CSMD1: variants seen among roughly 807,000 people sequenced by gnomAD.
The protein encoded by CSMD1 is CUB and Sushi multiple domains 1.
CSMD1 carries 213 observed loss-of-function variants against 417.5 expected under a neutral mutation model. That is an observed-to-expected ratio of 0.51 (90% confidence interval 0.46 to 0.57). CSMD1 has a LOEUF of 0.57. CSMD1 is among the 20% of genes least tolerant of loss of function. CSMD1 has a pLI of 0.00. For missense variants in CSMD1, 6,923 were observed against 4,529.7 expected (o/e 1.53, Z -15.17); for synonymous variants, 2,862 against 1,736.8 (o/e 1.65, Z -16.11).
At chr8:4,565,674 G>C (rs1223472381) in intron 2 of CSMD1, among the ~76,000 whole-genome samples, 3 of 150,208 alleles carry the variant, frequency 2.0e-5, no homozygotes, top group Non-Finnish European at 4.4e-5. Flanking sequence ...GGCAGAGGTT[G>C]CAGTGAGCTG....
chr8:3,494,196 A>C (rs894286631), intron 10 of CSMD1, among the ~76,000 whole-genome samples: 28 of 152,192 alleles, frequency 1.8e-4, no homozygotes, highest in African/African-American at 6.8e-4. Flanking sequence ...TGAGGATACA[A>C]AGCTCTCCTC....
intron 12 of CSMD1, among the ~76,000 whole-genome samples, chr8:3,440,937 C>A (rs949710375): frequency 9.9e-5 from 15 of 152,182 alleles, no homozygotes; most frequent in African/African-American, 3.6e-4. Context: ...GACGTGGTGA[C>A]TGTGATTTTA....
At chr8:4,173,036 A>T (rs974465667) in intron 3 of CSMD1, among the ~76,000 whole-genome samples, 1 of 152,156 alleles carries the variant, frequency 6.6e-6, no homozygotes, top group East Asian at 1.9e-4. Context: ...AGCCCCTAAT[A>T]TTGCAAGAAA....
At chr8:3,615,314 G>A (rs1802081088) in intron 8 of CSMD1, among the ~76,000 whole-genome samples, 1 of 152,152 alleles carries the variant, frequency 6.6e-6, no homozygotes, top group African/African-American at 2.4e-5. Flanking sequence ...GAAACAGACT[G>A]AAGTGAGTCT....
At chr8:4,150,903 T>C (rs1316975770) in intron 3 of CSMD1, among the ~76,000 whole-genome samples, 2 of 48,042 alleles carry the variant, frequency 4.2e-5, no homozygotes, top group African/African-American at 1.5e-4. Flanking sequence ...GAAAGAGCAA[T>C]GTTTTGTTCC....
intron 3 of CSMD1, among the ~76,000 whole-genome samples, chr8:4,402,881 G>A (rs1315727954): frequency 2.2e-5 from 3 of 138,490 alleles, no homozygotes; most frequent in Non-Finnish European, 3.0e-5. Context: ...GTGCAGCGGC[G>A]CAATCTGGGC....
chr8:4,565,613 T>TA (rs904258438), intron 2 of CSMD1, among the ~76,000 whole-genome samples: 1 of 151,686 alleles, frequency 6.6e-6, no homozygotes, highest in African/African-American at 2.4e-5. Flanking sequence ...CAGGCACCTG[T>TA]AGTCCCAGCT....
chr8:4,057,933 G>A (rs1414736441), intron 3 of CSMD1, among the ~76,000 whole-genome samples: 2 of 150,980 alleles, frequency 1.3e-5, no homozygotes, highest in African/African-American at 2.4e-5. Context: ...TTTGGTTCCT[G>A]TAGCCTTGTA....
chr8:3,317,052 T>C (rs1367899175), intron 23 of CSMD1, among the ~76,000 whole-genome samples: 1 of 151,142 alleles, frequency 6.6e-6, no homozygotes, highest in Non-Finnish European at 1.5e-5. Flanking sequence ...TGAGTGAGAG[T>C]GGACACAGAA....
chr8:3,461,148 G>A (rs993680653), intron 12 of CSMD1, among the ~76,000 whole-genome samples: 2 of 152,316 alleles, frequency 1.3e-5, no homozygotes, highest in Admixed American at 6.5e-5. Context: ...AACTGAGGCT[G>A]CTAGAGAGGG....
intron 3 of CSMD1, among the ~76,000 whole-genome samples, chr8:4,245,102 C>G (rs1802626435): frequency 6.6e-6 from 1 of 152,146 alleles, no homozygotes; most frequent in Non-Finnish European, 1.5e-5. Context: ...TAACGACCCT[C>G]AAGATTTTCA....
chr8:4,906,853 C>T lies in CSMD1; in HGVS notation c.85+87479G>A, dbSNP rs546779456. On this transcript the variant is annotated intron_variant, in intron 1 of 69. Coordinates refer to ENST00000635120, the MANE Select transcript of CSMD1 (RefSeq NM_033225.6). ...GATTACAGGCGTGAGCCGCTGCCCC[C>T]GGCCTTGAGTTTCTTTTTTCAAAGT... Among the ~76,000 whole-genome samples the T allele has an allele frequency of 1.2e-4, 18 of 152,222 alleles. No homozygotes were observed. In the East Asian group the frequency reaches 1.4e-3, roughly 11 times the overall value.
At chr8:4,643,664 G>C (rs1172819421) in intron 1 of CSMD1, among the ~76,000 whole-genome samples, 1 of 152,208 alleles carries the variant, frequency 6.6e-6, no homozygotes, top group Admixed American at 6.5e-5. Flanking sequence ...TTCAATGAAG[G>C]AAGTGGAAGT....
chr8:3,098,827 C>A (rs984442618), intron 46 of CSMD1, among the ~76,000 whole-genome samples: 2 of 151,996 alleles, frequency 1.3e-5, no homozygotes, highest in African/African-American at 4.8e-5. Context: ...TTGGCTCTGA[C>A]GTGTAAGTAC....
chr8:3,578,829 C>T (rs576766194), intron 9 of CSMD1, among the ~76,000 whole-genome samples: 5 of 152,280 alleles, frequency 3.3e-5, no homozygotes, highest in African/African-American at 4.8e-5. Context: ...AATTAGTCAA[C>T]GAAGTATGTG....
intron 5 of CSMD1, among the ~76,000 whole-genome samples, chr8:3,895,596 T>C (rs1019352595): frequency 1.3e-5 from 2 of 152,230 alleles, no homozygotes; most frequent in Non-Finnish European, 1.5e-5. Flanking sequence ...CTAATGCCCA[T>C]ATATGTACCA....
At chr8:4,004,063 A>G (rs1365159340) in intron 4 of CSMD1, among the ~76,000 whole-genome samples, 1 of 152,200 alleles carries the variant, frequency 6.6e-6, no homozygotes, top group East Asian at 1.9e-4. Flanking sequence ...AAAAGGGTAT[A>G]ATGTCTGATC....
At chr8:3,919,184 C>CAAA (rs71203490) in intron 5 of CSMD1, among the ~76,000 whole-genome samples, 2 of 91,800 alleles carry the variant, frequency 2.2e-5, no homozygotes, top group Non-Finnish European at 4.4e-5. Flanking sequence ...GTGTCATATC[C>CAAA]AAAAAAAAAA....
At chr8:3,005,014 C>T (rs561614405) in intron 52 of CSMD1, among the ~76,000 whole-genome samples, 1 of 152,288 alleles carries the variant, frequency 6.6e-6, no homozygotes, top group South Asian at 2.1e-4. Flanking sequence ...TGGCACATGC[C>T]TGTAGTCCCA....
Sources: allele counts gnomAD v4.1 joint callset (sites outside exome capture counted in the v4.1 genomes callset), GRCh38; gene constraint gnomAD v4.1.1; transcripts MANE v1.5; gene names NCBI Gene and HGNC (gene_info 2026-07-23, HGNC 2026-07-21).